PUDP: variants seen among roughly 807,000 people sequenced by gnomAD.
PUDP encodes the protein pseudouridine-5'-phosphatase.
Under a neutral mutation model 9.4 loss-of-function variants are expected in PUDP, and 8 were observed. The observed-to-expected ratio is 0.85, with a 90% CI of 0.50 to 1.53. The LOEUF is 1.53. Among genes scored for constraint, PUDP ranks in the 40% most tolerant of loss-of-function variants. The pLI is 0.00. For synonymous variants in PUDP, 99 were observed against 80.7 expected, an observed-to-expected ratio of 1.23 and a Z score of -1.22; for missense variants, 188 against 189.7, an observed-to-expected ratio of 0.99 and a Z score of 0.05.
chrX:6,841,943 A>T (rs1821838215), intron 3 of PUDP, among the ~76,000 whole-genome samples: 1 of 110,474 alleles, frequency 9.1e-6, no homozygotes, highest in African/African-American at 3.3e-5. Flanking sequence ...TTTATGTATT[A>T]TGTGTTGTGT....
intron 1 of PUDP, among the ~76,000 whole-genome samples, chrX:6,978,778 T>C (rs1194538648): frequency 8.9e-6 from 1 of 112,517 alleles, no homozygotes; most frequent in African/African-American, 3.2e-5. Flanking sequence ...GGGAAGACTG[T>C]TGGTGCAGCA....
At chrX:6,969,878 CT>C (rs201099368) in intron 3 of PUDP, among the ~76,000 whole-genome samples, 1 of 112,041 alleles carries the variant, frequency 8.9e-6, no homozygotes, top group African/African-American at 3.2e-5. Flanking sequence ...GACCCAGTCT[CT>C]TTGTAAAATT....
At chrX:7,097,905 G>A (rs1440037500) in intron 2 of PUDP, among the ~76,000 whole-genome samples, 2 of 112,132 alleles carry the variant, frequency 1.8e-5, no homozygotes, top group African/African-American at 3.2e-5. Context: ...GAGGAGGAAG[G>A]CTTACTTACA....
chrX:7,022,287 T>C lies in PUDP; in HGVS notation c.205-43944A>G, dbSNP rs549846785. Among the ~76,000 whole-genome samples, 10 of 111,844 alleles carry C rather than the reference T, an allele frequency of 8.9e-5. No individual in the cohort carries two copies. The South Asian group carries it at 3.8e-3, about 42-fold the overall frequency. ...TTTGAGATGTCCGAGCTTACCAATA[T>C]TGCATGAAGTACATCCTGTTTCTCA... On this transcript the variant is annotated intron_variant and NMD_transcript_variant, in intron 1 of 3. Coordinates refer to the PUDP transcript ENST00000655425.
At chrX:6,848,310 A>G (rs1168535817) in intron 3 of PUDP, among the ~76,000 whole-genome samples, 1 of 111,946 alleles carries the variant, frequency 8.9e-6, no homozygotes, top group Non-Finnish European at 1.9e-5. Flanking sequence ...CAATCAGTCA[A>G]TTACATCAAG....
In PUDP at chrX:6,861,762, A is replaced by T. The variant is rs544984857; in HGVS notation, c.*247+115371T>A. Reference sequence around the variant, plus strand: ...AGTGGGGAGTGAGAGAGAAGAAGTAAAGAGAATGTGTTAATAAGTAGGGGC... The same window carrying T: ...AGTGGGGAGTGAGAGAGAAGAAGTATAGAGAATGTGTTAATAAGTAGGGGC... On this transcript the variant is annotated intron_variant and NMD_transcript_variant, in intron 3 of 3. Coordinates refer to the PUDP transcript ENST00000655425. 2.7e-5 allele frequency among the ~76,000 whole-genome samples: 3 copies of T among 110,916 alleles called. No homozygotes were observed. In the South Asian group the frequency reaches 1.2e-3, roughly 44 times the overall value.
chrX:7,091,446 C>T (rs1009163534), intron 2 of PUDP, among the ~76,000 whole-genome samples: 39 of 111,812 alleles, frequency 3.5e-4, no homozygotes, highest in Middle Eastern at 4.2e-3. Flanking sequence ...TCAAGCAATT[C>T]TCCTGCCTCA....
chrX:7,004,815 T>C (rs1929378740), intron 1 of PUDP, among the ~76,000 whole-genome samples: 1 of 111,969 alleles, frequency 8.9e-6, no homozygotes, highest in Non-Finnish European at 1.9e-5. Flanking sequence ...AAGCAGCTTA[T>C]CTGGATTCAT....
chrX:6,725,891 C>T (rs879006500), upstream of PUDP, among the ~76,000 whole-genome samples: 4 of 111,552 alleles, frequency 3.6e-5, no homozygotes, highest in Admixed American at 2.9e-4. Flanking sequence ...AACGACCATT[C>T]GATCCAACAA....
chrX:6,967,171 G>A (rs748933301), intron 3 of PUDP, among the ~76,000 whole-genome samples: 13 of 111,980 alleles, frequency 1.2e-4, no homozygotes, highest in South Asian at 7.5e-4. Flanking sequence ...GGAGGACAGA[G>A]GCATCTGCAG....
chrX:7,003,026 C>A (rs906420366), intron 1 of PUDP, among the ~76,000 whole-genome samples: 1 of 111,101 alleles, frequency 9.0e-6, no homozygotes, highest in African/African-American at 3.3e-5. Flanking sequence ...ACTGAAAATA[C>A]GTAGAAGACG....
intron 3 of PUDP, among the ~76,000 whole-genome samples, chrX:6,777,615 T>G (rs769875777): frequency 1.3e-4 from 15 of 112,360 alleles, no homozygotes; most frequent in Non-Finnish European, 2.2e-4. Context: ...TATTTTCTAT[T>G]TCCTTTTTAT....
At chrX:7,063,677 T>C (rs762647552) in intron 3 of PUDP, among the ~76,000 whole-genome samples, 1 of 111,371 alleles carries the variant, frequency 9.0e-6, no homozygotes, top group African/African-American at 3.3e-5. Context: ...AGGGTCTCAC[T>C]CTGTCGCCCA....
At chrX:6,764,599 T>C (rs1337087736) in intron 3 of PUDP, among the ~76,000 whole-genome samples, 2 of 112,228 alleles carry the variant, frequency 1.8e-5, no homozygotes, top group Non-Finnish European at 3.8e-5. Flanking sequence ...CAAGGCTAGT[T>C]GGACCCTTAA....
intron 3 of PUDP, among the ~76,000 whole-genome samples, chrX:6,869,887 C>T (rs1013680607): frequency 9.0e-6 from 1 of 111,244 alleles, no homozygotes; most frequent in African/African-American, 3.3e-5. Context: ...TTATGATATG[C>T]TCTAGCAATT....
chrX:7,089,963 T>G (rs1225496786), intron 2 of PUDP, among the ~76,000 whole-genome samples: 1 of 111,648 alleles, frequency 9.0e-6, no homozygotes, highest in African/African-American at 3.3e-5. Flanking sequence ...ACCTAACCCC[T>G]TTGCCCCCTT....
At chrX:6,988,485 C>T (rs1929132479) in intron 1 of PUDP, among the ~76,000 whole-genome samples, 1 of 112,140 alleles carries the variant, frequency 8.9e-6, no homozygotes, top group East Asian at 2.8e-4. Context: ...AGCTTATATG[C>T]CTTCTAAGCT....
chrX:7,103,074 C>T (rs1040112552), intron 2 of PUDP, among the ~76,000 whole-genome samples: 10 of 111,488 alleles, frequency 9.0e-5, no homozygotes, highest in Non-Finnish European at 1.9e-4. Context: ...GAAATACATC[C>T]TAAAATTCAT....
At chrX:6,934,508 G>A (rs1473250483) in intron 3 of PUDP, among the ~76,000 whole-genome samples, 2 of 109,780 alleles carry the variant, frequency 1.8e-5, no homozygotes, top group African/African-American at 6.6e-5. Context: ...GGAACAACCG[G>A]TACCAGCCGC....
Sources: allele counts gnomAD v4.1 joint callset (sites outside exome capture counted in the v4.1 genomes callset), GRCh38; gene constraint gnomAD v4.1.1; transcripts MANE v1.5; gene names NCBI Gene and HGNC (gene_info 2026-07-23, HGNC 2026-07-21).